STAB2: variants seen among roughly 807,000 people sequenced by gnomAD.
The protein encoded by STAB2 is stabilin-2.
Under a neutral mutation model 338.1 loss-of-function variants are expected in STAB2, and 288 were observed. The ratio of observed to expected loss-of-function variants is 0.85; its 90% CI spans 0.77 to 0.94. The LOEUF (loss-of-function observed/expected upper bound fraction) is 0.94. Ranked by LOEUF, STAB2 falls within the 40% of genes least tolerant of loss-of-function variation. STAB2 has a pLI of 0.00. For missense variants in STAB2, 3,141 were observed against 3,210.1 expected (o/e 0.98, Z 0.52); for synonymous variants, 1,202 against 1,193.3 (o/e 1.01, Z -0.15).
At chr12:103,761,273 C>T (rs1169605885) in intron 65 of STAB2, 27 bp from the exon 66 acceptor site, 2 of 1,602,968 alleles carry the variant, frequency 1.2e-6, no homozygotes, top group Admixed American at 3.3e-5. Flanking sequence ...AGAGTAAAAG[C>T]CATCAACCCT....
chr12:103,756,065 CTGTT>C (rs1884080524), intron 63 of STAB2, among the ~76,000 whole-genome samples: 2 of 152,044 alleles, frequency 1.3e-5, no homozygotes, highest in South Asian at 2.1e-4. Context: ...ATTATCATCT[CTGTT>C]TGTATGTGGA....
At chr12:103,692,575 TTCTC>T (rs147557353) in intron 30 of STAB2, among the ~76,000 whole-genome samples, 8 of 150,196 alleles carry the variant, frequency 5.3e-5, no homozygotes, top group African/African-American at 9.7e-5. Flanking sequence ...CTCTTTTTCT[TTCTC>T]TCTCTCTCTC....
At position 103,727,704 on chromosome 12, in the gene STAB2, A is replaced by G. The variant is rs548459337; in HGVS notation, c.4935+354A>G. 5.9e-5 allele frequency among the ~76,000 whole-genome samples: 9 copies of G among 152,352 alleles called. No individual in the cohort carries two copies. In the South Asian group the frequency reaches 1.9e-3, roughly 32 times the overall value. On this transcript the variant is annotated intron_variant, in intron 47 of 68. Coordinates refer to ENST00000388887, the MANE Select transcript of STAB2 (RefSeq NM_017564.10). ...AGATTTAAATAGATTCTTTTCTTGCAGGATTTATCAGAGCCTTTACTGTTC... is the reference window on the plus strand; with the variant it reads ...AGATTTAAATAGATTCTTTTCTTGCGGGATTTATCAGAGCCTTTACTGTTC...
chr12:103,689,159 C>T (rs1014928947), intron 28 of STAB2, among the ~76,000 whole-genome samples: 1 of 152,116 alleles, frequency 6.6e-6, no homozygotes, highest in Non-Finnish European at 1.5e-5. Flanking sequence ...CTGCAGTCTC[C>T]CCACCATCCT....
At chr12:103,746,352 A>G (rs1883031969) in intron 57 of STAB2, 2 of 358,978 alleles carry the variant, frequency 5.6e-6, no homozygotes, top group Non-Finnish European at 5.2e-6. Flanking sequence ...GCCCCTAAAG[A>G]ACATTTTTTC....
chr12:103,647,363 G>A lies in STAB2; in HGVS notation c.1041-1327G>A, dbSNP rs1234482838. 2.0e-5 allele frequency among the ~76,000 whole-genome samples: 3 copies of A among 152,126 alleles called. No individual in the cohort carries two copies. In the East Asian group the frequency reaches 5.8e-4, roughly 29 times the overall value. ...AGAGTGCATAGTCTTTCTTTAGAATGCTTTCCTCAATGTGAGTCACAGCTG... is the reference window on the plus strand; with the variant it reads ...AGAGTGCATAGTCTTTCTTTAGAATACTTTCCTCAATGTGAGTCACAGCTG... On this transcript the variant is annotated intron_variant, in intron 9 of 68. Transcript: ENST00000388887.
rs1036727743 is a variant in STAB2 at position 103,609,093 on chromosome 12, T to C, written c.332-11375T>C. On this transcript the variant is annotated intron_variant, in intron 3 of 68. Coordinates refer to ENST00000388887, the MANE Select transcript of STAB2 (RefSeq NM_017564.10). Reference sequence around the variant, plus strand: ...CATGCTGTTTTGGTTACTGTAGCCTTGTAGTATAGTTTGAAGTCAGGTAGT... The same window carrying C: ...CATGCTGTTTTGGTTACTGTAGCCTCGTAGTATAGTTTGAAGTCAGGTAGT... Among the ~76,000 whole-genome samples, 319 of 152,184 alleles carry C rather than the reference T, an allele frequency of 2.1e-3. 1 individual carries two copies. Among genetic ancestry groups the C allele is most frequent in the Non-Finnish European group, 3.9e-3 (268 of 68,032 alleles).
intron 18 of STAB2, among the ~76,000 whole-genome samples, chr12:103,664,677 T>C (rs1325036010): frequency 6.6e-6 from 1 of 152,216 alleles, no homozygotes; most frequent in Non-Finnish European, 1.5e-5. Context: ...CTGATTCCTC[T>C]TCTTGTTATG....
chr12:103,610,155 G>C (rs11503459), intron 3 of STAB2, among the ~76,000 whole-genome samples: 33 of 150,864 alleles, frequency 2.2e-4, no homozygotes, highest in Admixed American at 2.1e-3. Context: ...TATCTTTTTT[G>C]GTTGTGTCTC....
Position 103,721,609 on chromosome 12 carries a change from CAAG to C in STAB2, c.4684-3361_4684-3359del, listed in dbSNP as rs1239604101. 3.9e-5 allele frequency among the ~76,000 whole-genome samples: 6 copies of C among 152,162 alleles called. No homozygotes were observed. The East Asian group carries it at 9.6e-4, about 24-fold the overall frequency. On this transcript the variant is annotated intron_variant, in intron 44 of 68. Coordinates refer to ENST00000388887, the MANE Select transcript of STAB2 (RefSeq NM_017564.10). ...CAGGATAGGGGTTCTAAAGCAGAAGCAAGAAGACCATGTAAAAGACTAATGATG... is the reference window on the plus strand; with the variant it reads ...CAGGATAGGGGTTCTAAAGCAGAAGCAAGACCATGTAAAAGACTAATGATG...
intron 25 of STAB2, among the ~76,000 whole-genome samples, chr12:103,682,098 G>C (rs1004159423): frequency 6.6e-6 from 1 of 152,022 alleles, no homozygotes; most frequent in African/African-American, 2.4e-5. Context: ...TACAGTATCT[G>C]TCTCCTCTCT....
rs1956766945 is a variant in STAB2 at position 103,589,695 on chromosome 12, G to A, written c.82-1202G>A. The stretch of plus-strand genomic sequence containing the variant: ...AAAATGAATGTGGTTTTGTGAAAGA[G>A]GTGGTGTGAAACAGGGTCTTGAAGG... On this transcript the variant is annotated intron_variant, in intron 1 of 68. Transcript: ENST00000388887. 2.0e-5 allele frequency among the ~76,000 whole-genome samples: 3 copies of A among 152,212 alleles called. No individual in the cohort carries two copies. The South Asian group carries it at 6.2e-4, about 31-fold the overall frequency.
intron 58 of STAB2, among the ~76,000 whole-genome samples, chr12:103,747,854 G>C (rs1011729864): frequency 3.3e-5 from 5 of 152,040 alleles, no homozygotes; most frequent in African/African-American, 1.2e-4. Flanking sequence ...AATTAGCCGG[G>C]CATGGTGACA....
At chr12:103,630,193 A>G (rs968645543) in intron 5 of STAB2, among the ~76,000 whole-genome samples, 1 of 152,260 alleles carries the variant, frequency 6.6e-6, no homozygotes, top group Non-Finnish European at 1.5e-5. Flanking sequence ...CTACTGCAAT[A>G]GTCCAGGCAA....
chr12:103,766,053 G>A (rs185468072), intron 68 of STAB2: 1 of 669,668 alleles, frequency 1.5e-6, no homozygotes, highest in Admixed American at 2.0e-5. Context: ...GCCGAGTTGG[G>A]ATGATTTGTC....
chr12:103,643,328 C>T (rs576661382), intron 9 of STAB2, among the ~76,000 whole-genome samples: 1 of 152,202 alleles, frequency 6.6e-6, no homozygotes, highest in East Asian at 1.9e-4. Context: ...TCCAGTCCAT[C>T]GCACTGTTCT....
At chr12:103,684,301 C>A (rs985792638) in intron 26 of STAB2, among the ~76,000 whole-genome samples, 3 of 152,080 alleles carry the variant, frequency 2.0e-5, no homozygotes, top group African/African-American at 7.2e-5. Context: ...CATATGAGTC[C>A]GTCAATTGTG....
At position 103,666,300 on chromosome 12, in the gene STAB2, G is replaced by A. The variant is rs746528829; in HGVS notation, c.2032G>A (p.Val678Met). 5 of 1,614,086 alleles carry A rather than the reference G, an allele frequency of 3.1e-6. No homozygotes were observed. The highest frequency in any genetic ancestry group is 4.2e-6 in the Non-Finnish European group (5 of 1,180,018). ...TKREMKLGTC[V>M]SCSLVYWSRC... Reference sequence around the variant, plus strand: ...CTGTCTCTCCCTCCAGGGCACTTGTGTGAGCTGTTCTCTGGTGTACTGGAG... The same window carrying A: ...CTGTCTCTCCCTCCAGGGCACTTGTATGAGCTGTTCTCTGGTGTACTGGAG... Residue 678 changes from valine to methionine, a missense_variant, in exon 19 of 69, where the codon GTG becomes ATG. Coordinates refer to ENST00000388887, the MANE Select transcript of STAB2 (RefSeq NM_017564.10).
At chr12:103,607,185 A>G (rs1212239943) in intron 3 of STAB2, among the ~76,000 whole-genome samples, 1 of 151,842 alleles carries the variant, frequency 6.6e-6, no homozygotes, top group Non-Finnish European at 1.5e-5. Context: ...TCTTGGATCT[A>G]TGGGTTTATA....
Sources: gnomAD v4.1 joint callset for allele counts (sites outside exome capture counted in the v4.1 genomes callset) on GRCh38, gnomAD v4.1.1 for gene constraint, MANE v1.5 for transcripts, NCBI Gene and HGNC (gene_info 2026-07-23, HGNC 2026-07-21) for gene names.